Variants in JARID2 observed in about 807,000 individuals in gnomAD.
JARID2 encodes protein Jumonji.
In JARID2, 21 loss-of-function variants were observed where a neutral mutation model predicts 125.6. The ratio of observed to expected loss-of-function variants is 0.17; its 90% CI spans 0.12 to 0.24. The LOEUF is 0.24. Ranked by LOEUF, JARID2 falls within the 10% of genes least tolerant of loss-of-function variation. JARID2 has a pLI of 1.00. For synonymous variants in JARID2, 736 were observed against 661.6 expected, an observed-to-expected ratio of 1.11 and a Z score of -1.73; for missense variants, 1,303 against 1,639.6, an observed-to-expected ratio of 0.79 and a Z score of 3.55.
chr6:15,483,604 G>C (rs1769727682), intron 5 of JARID2, among the ~76,000 whole-genome samples: 1 of 151,938 alleles, frequency 6.6e-6, no homozygotes, highest in Non-Finnish European at 1.5e-5. Context: ...TCCTTTTTAT[G>C]GCTAATACTT....
intron 5 of JARID2, among the ~76,000 whole-genome samples, chr6:15,482,341 T>C (rs1039233030): frequency 6.6e-6 from 1 of 152,242 alleles, no homozygotes; most frequent in Non-Finnish European, 1.5e-5. Flanking sequence ...CCAAAAGGCT[T>C]TTATTAATGT....
chr6:15,300,007 A>G (rs1180956695), intron 1 of JARID2, among the ~76,000 whole-genome samples: 1 of 152,158 alleles, frequency 6.6e-6, no homozygotes, highest in African/African-American at 2.4e-5. Context: ...CCCAACCTCC[A>G]AAAGGTTATA....
chr6:15,516,952 C>T (rs753051157), intron 16 of JARID2, among the ~76,000 whole-genome samples: 2 of 152,172 alleles, frequency 1.3e-5, no homozygotes, highest in Non-Finnish European at 2.9e-5. Context: ...AGTTGAAGAC[C>T]ATGTTCCAGG....
intron 3 of JARID2, among the ~76,000 whole-genome samples, chr6:15,434,203 A>G (rs1206438169): frequency 6.6e-6 from 1 of 152,018 alleles, no homozygotes; most frequent in African/African-American, 2.4e-5. Context: ...GAGAGATGAC[A>G]TTAAATAATA....
In JARID2 at chr6:15,392,355, C is replaced by T. The variant is rs149211184; in HGVS notation, c.182-17869C>T. On this transcript the variant is annotated intron_variant, in intron 2 of 17. Transcript: ENST00000341776. ...CCCTACAAGCTAGACTGATTACCAC[C>T]TCGAGCCATCTGCTGCTAAATTTAA... Among the ~76,000 whole-genome samples the T allele has an allele frequency of 8.6e-3, 1,309 of 152,240 alleles. 23 individuals carry two copies. Among genetic ancestry groups the T allele is most frequent in the African/African-American group, 0.03 (1,232 of 41,516 alleles).
At chr6:15,301,898 T>A (rs542074824) in intron 1 of JARID2, among the ~76,000 whole-genome samples, 1 of 152,276 alleles carries the variant, frequency 6.6e-6, no homozygotes, top group South Asian at 2.1e-4. Flanking sequence ...AAGTTTTGAC[T>A]AATATAGATG....
rs147975833 is a variant in JARID2 at position 15,438,507 on chromosome 6, A to G, written c.324-13499A>G. Among the ~76,000 whole-genome samples the G allele has an allele frequency of 3.2e-3, 493 of 152,308 alleles. 5 individuals are homozygous for G. The highest frequency in any genetic ancestry group is 0.012 in the African/African-American group (481 of 41,558). On this transcript the variant is annotated intron_variant, in intron 3 of 17. Transcript: ENST00000341776. ...TAGTTCATTTCCATGATTCCTCTGC[A>G]CGTCATTGTTTCTGACCAATGTGGA...
At chr6:15,469,336 CCTGTCTCT>C (rs1768927415) in intron 5 of JARID2, among the ~76,000 whole-genome samples, 1 of 31,378 alleles carries the variant, frequency 3.2e-5, no homozygotes, top group Non-Finnish European at 5.8e-5. Context: ...CTCTCTCTCT[CCTGTCTCT>C]CTCTCTCTCT....
intron 3 of JARID2, among the ~76,000 whole-genome samples, chr6:15,423,694 C>T (rs572990984): frequency 2.0e-5 from 3 of 152,294 alleles, no homozygotes; most frequent in South Asian, 2.1e-4. Context: ...GGGCTGAGCA[C>T]GTACGTTTTA....
At chr6:15,331,391 G>A (rs550557543) in intron 1 of JARID2, among the ~76,000 whole-genome samples, 28 of 151,170 alleles carry the variant, frequency 1.9e-4, no homozygotes, top group Non-Finnish European at 2.8e-4. Context: ...CAGGAGTGGT[G>A]AAGGAAAACA....
chr6:15,256,277 T>C (rs150803162), intron 1 of JARID2, among the ~76,000 whole-genome samples: 5 of 152,242 alleles, frequency 3.3e-5, no homozygotes, highest in African/African-American at 7.2e-5. Flanking sequence ...CAGATGCACA[T>C]TGGGAAACAG....
At chr6:15,507,294 A>G in intron 10 of JARID2, 40 bp downstream of exon 10, 1 of 1,600,036 alleles carries the variant, frequency 6.2e-7, no homozygotes, top group Non-Finnish European at 8.6e-7. Flanking sequence ...TGGGGATGTG[A>G]CTGCATCCTT....
chr6:15,452,280 T>C, intron 4 of JARID2, 105 bp downstream of exon 4: 1 of 1,470,374 alleles, frequency 6.8e-7, no homozygotes, highest in Non-Finnish European at 9.0e-7. Context: ...TTCATTTTTC[T>C]GTCCCCAACC....
At position 15,513,223 on chromosome 6, in the gene JARID2, C is replaced by G. The variant is rs1465381386; in HGVS notation, c.3267-16C>G. On this transcript the variant is annotated splice_polypyrimidine_tract_variant and intron_variant, in intron 15 of 17. Transcript: ENST00000341776. ...GGCCGTCACTAAAGGTGCGGGCCGTCTCCCGTGTCTGGCAGGGATACAGAG... is the reference window on the plus strand; with the variant it reads ...GGCCGTCACTAAAGGTGCGGGCCGTGTCCCGTGTCTGGCAGGGATACAGAG... 5 of 1,554,018 alleles carry G rather than the reference C, an allele frequency of 3.2e-6. No individual in the cohort carries two copies. Among genetic ancestry groups the G allele is most frequent in the African/African-American group, 1.4e-5 (1 of 73,876 alleles).
At chr6:15,360,624 C>T (rs183303233) in intron 1 of JARID2, among the ~76,000 whole-genome samples, 1 of 152,250 alleles carries the variant, frequency 6.6e-6, no homozygotes, top group East Asian at 1.9e-4. Flanking sequence ...GCTTGGACCA[C>T]AGGAGTGTGC....
intron 3 of JARID2, among the ~76,000 whole-genome samples, chr6:15,442,434 T>G: frequency 6.6e-6 from 1 of 152,242 alleles, no homozygotes; most frequent in East Asian, 1.9e-4. Flanking sequence ...CTGGCTGGAT[T>G]CTGTAGCTAC....
At chr6:15,366,524 G>GT (rs1763984256) in intron 1 of JARID2, among the ~76,000 whole-genome samples, 1 of 138,908 alleles carries the variant, frequency 7.2e-6, no homozygotes, top group African/African-American at 2.7e-5. Flanking sequence ...GGGGCGGGGG[G>GT]GGTGGGGGGT....
intron 3 of JARID2, among the ~76,000 whole-genome samples, chr6:15,427,380 A>T (rs751245600): frequency 1.8e-4 from 28 of 152,002 alleles, no homozygotes; most frequent in Non-Finnish European, 5.9e-5. Context: ...GCATTTGTTT[A>T]TTTTCTAGAA....
intron 1 of JARID2, among the ~76,000 whole-genome samples, chr6:15,361,892 C>CTTTT (rs58352410): frequency 8.3e-6 from 1 of 121,174 alleles, no homozygotes; most frequent in Non-Finnish European, 1.7e-5. Context: ...TGGGAGCCCC[C>CTTTT]TTTTTTTTTT....
Sources: gnomAD v4.1 joint callset for allele counts (sites outside exome capture counted in the v4.1 genomes callset) on GRCh38, gnomAD v4.1.1 for gene constraint, MANE v1.5 for transcripts, NCBI Gene and HGNC (gene_info 2026-07-23, HGNC 2026-07-21) for gene names.